Variants in CLCN4 observed in about 807,000 individuals in gnomAD.
The protein encoded by CLCN4 is Cl-/H+ antiporter 4.
CLCN4 carries 1 observed loss-of-function variant against 41.7 expected under a neutral mutation model. The observed-to-expected ratio is 0.02, with a 90% CI of 0.01 to 0.11. The LOEUF (loss-of-function observed/expected upper bound fraction) is 0.11, where lower values mean the gene tolerates loss of function less well. Among genes scored for constraint, CLCN4 ranks in the 10% least tolerant of loss-of-function variants. The pLI is 1.00. For synonymous variants in CLCN4, 277 were observed against 285.8 expected (o/e 0.97, Z 0.31); for missense variants, 287 against 661.0 (o/e 0.43, Z 6.20).
intron 11 of CLCN4, among the ~76,000 whole-genome samples, chrX:10,217,131 C>T (rs1178392266): frequency 3.7e-5 from 4 of 107,790 alleles, no homozygotes; most frequent in South Asian, 8.3e-4. Context: ...GACAGGGTCT[C>T]GCTGTTTCAC....
chrX:10,211,389 C>T (rs1475829105), intron 9 of CLCN4, among the ~76,000 whole-genome samples: 1 of 108,755 alleles, frequency 9.2e-6, no homozygotes. Context: ...CCTTATTAAA[C>T]AGCTGGCTGT....
intron 5 of CLCN4, among the ~76,000 whole-genome samples, chrX:10,197,418 A>G (rs950673184): frequency 9.0e-6 from 1 of 111,467 alleles, no homozygotes; most frequent in Admixed American, 9.5e-5. Context: ...TGCATGTCTC[A>G]TAAGCCACTG....
rs1236519002 is a variant in CLCN4 at position 10,234,388 on chromosome X, A to G, written c.*804A>G. ...CACCCGATCATTGATTTGCATCCCCATGGCATTTGCTTCATTTATTTATTG... is the reference window on the plus strand; with the variant it reads ...CACCCGATCATTGATTTGCATCCCCGTGGCATTTGCTTCATTTATTTATTG... On this transcript the variant is annotated 3_prime_UTR_variant, in exon 13 of 13. Coordinates refer to ENST00000380833, the MANE Select transcript of CLCN4 (RefSeq NM_001830.4). 8.8e-6 allele frequency: 1 copy of G among 113,195 alleles called. No homozygotes were observed. Among genetic ancestry groups the G allele is most frequent in the Non-Finnish European group, 1.9e-5 (1 of 53,397 alleles). 9.3% of individuals were successfully genotyped at this position (113,195 alleles called of 1,213,427 possible).
At chrX:10,161,978 G>A (rs192494059) in intron 2 of CLCN4, among the ~76,000 whole-genome samples, 158 of 108,083 alleles carry the variant, frequency 1.5e-3, no homozygotes, top group Middle Eastern at 4.7e-3. Flanking sequence ...GGGTGTGAGC[G>A]GGCTCGGAGG....
chrX:10,171,732 A>G (rs1197443545), intron 2 of CLCN4, among the ~76,000 whole-genome samples: 1 of 112,049 alleles, frequency 8.9e-6, no homozygotes, highest in Non-Finnish European at 1.9e-5. Flanking sequence ...GAAAAGGCTT[A>G]TGGGGTGAAG....
Position 10,169,810 on chromosome X carries a change from A to G in CLCN4, c.-12+11259A>G, listed in dbSNP as rs187206943. On this transcript the variant is annotated intron_variant, in intron 2 of 12. Transcript: ENST00000380833. ...TCTTTTCTTTTTTTTTTTTTTTGAGATAGAGTCTCGCTCTGTTGTCCAGGC... is the reference window on the plus strand; with the variant it reads ...TCTTTTCTTTTTTTTTTTTTTTGAGGTAGAGTCTCGCTCTGTTGTCCAGGC... Among the ~76,000 whole-genome samples the G allele has an allele frequency of 4.3e-3, 377 of 88,042 alleles. 14 individuals are homozygous for G. In the Admixed American group the frequency reaches 0.045, roughly 10 times the overall value. 76.5% of individuals were successfully genotyped at this position (88,042 alleles called of 115,157 possible). A position where few individuals can be genotyped will look rare whatever the true frequency, so the allele number is the denominator to read the frequency against.
chrX:10,197,307 C>A (rs1488186871), intron 5 of CLCN4, among the ~76,000 whole-genome samples: 1 of 112,073 alleles, frequency 8.9e-6, no homozygotes, highest in African/African-American at 3.2e-5. Flanking sequence ...TGTTAGTGCG[C>A]ATAGAACCTC....
intron 12 of CLCN4, among the ~76,000 whole-genome samples, chrX:10,227,725 T>C (rs1035318822): frequency 7.1e-5 from 8 of 112,193 alleles, no homozygotes; most frequent in African/African-American, 2.6e-4. Flanking sequence ...ACTTGCCTAT[T>C]CTGGACATTT....
intron 11 of CLCN4, among the ~76,000 whole-genome samples, chrX:10,217,132 G>A (rs1267881130): frequency 2.8e-5 from 3 of 107,314 alleles, no homozygotes; most frequent in African/African-American, 1.0e-4. Flanking sequence ...ACAGGGTCTC[G>A]CTGTTTCACC....
In CLCN4 at chrX:10,219,903, C is replaced by T. The variant is rs754095150; in HGVS notation, c.1976-758C>T. 8.9e-5 allele frequency among the ~76,000 whole-genome samples: 10 copies of T among 112,272 alleles called. No individual in the cohort carries two copies. In the South Asian group the frequency reaches 3.3e-3, roughly 37 times the overall value. On this transcript the variant is annotated intron_variant, in intron 11 of 12. Coordinates refer to ENST00000380833, the MANE Select transcript of CLCN4 (RefSeq NM_001830.4). ...TTAAAATAGCCTGGGTTTCTAGCACCGCGTTAAGCTGTATTTCTAATGAGT... is the reference window on the plus strand; with the variant it reads ...TTAAAATAGCCTGGGTTTCTAGCACTGCGTTAAGCTGTATTTCTAATGAGT...
chrX:10,225,522 A>G (rs1924966992), intron 12 of CLCN4, among the ~76,000 whole-genome samples: 1 of 111,454 alleles, frequency 9.0e-6, no homozygotes, highest in African/African-American at 3.3e-5. Flanking sequence ...AGATTGCAAA[A>G]TTTCTCCCAT....
At position 10,235,015 on chromosome X, in the gene CLCN4, G is replaced by A. The variant is rs996590809; in HGVS notation, c.*1431G>A. ...CTGGATAGTGCTGTATCACTTAGGTGTGCATTCGGCTGCAAATAACAGAAA... is the reference window on the plus strand; with the variant it reads ...CTGGATAGTGCTGTATCACTTAGGTATGCATTCGGCTGCAAATAACAGAAA... On this transcript the variant is annotated 3_prime_UTR_variant, in exon 13 of 13. Coordinates refer to ENST00000380833, the MANE Select transcript of CLCN4 (RefSeq NM_001830.4). 1.1e-4 allele frequency: 12 copies of A among 112,062 alleles called. No individual in the cohort carries two copies. The highest frequency in any genetic ancestry group is 3.6e-4 in the African/African-American group (11 of 30,798). The allele number at this position is 112,062 out of a possible 1,213,427, so 9.2% of individuals were successfully genotyped here.
In CLCN4 at chrX:10,217,746, CA is replaced by C. The variant is rs778195498; in HGVS notation, c.1976-2914del. Among the ~76,000 whole-genome samples, 504 of 75,023 alleles carry C rather than the reference CA, an allele frequency of 6.7e-3. 2 individuals are homozygous for C. Among genetic ancestry groups the C allele is most frequent in the African/African-American group, 0.025 (454 of 18,094 alleles). The allele number at this position is 75,023 out of a possible 115,157, so 65.1% of individuals were successfully genotyped here. Reference sequence around the variant, plus strand: ...GGTGCTCATAAAATATACATTCCTTCATTTTTTTTTTTTTTTCACTAAGTCT... The same window carrying C: ...GGTGCTCATAAAATATACATTCCTTCTTTTTTTTTTTTTTTCACTAAGTCT... On this transcript the variant is annotated intron_variant, in intron 11 of 12. Coordinates refer to ENST00000380833, the MANE Select transcript of CLCN4 (RefSeq NM_001830.4).
At chrX:10,233,200 A>T (rs1925166560) in intron 12 of CLCN4, among the ~76,000 whole-genome samples, 1 of 112,210 alleles carries the variant, frequency 8.9e-6, no homozygotes, top group Non-Finnish European at 1.9e-5. Context: ...TAGGTGTTTG[A>T]ATCTGGTGGC....
intron 12 of CLCN4, among the ~76,000 whole-genome samples, chrX:10,225,824 C>A (rs775408864): frequency 4.5e-5 from 5 of 111,716 alleles, no homozygotes; most frequent in Non-Finnish European, 9.4e-5. Context: ...CTAACCAATT[C>A]TCCCAGCATC....
intron 6 of CLCN4, among the ~76,000 whole-genome samples, chrX:10,202,554 A>T (rs922181029): frequency 2.3e-4 from 23 of 99,585 alleles, no homozygotes; most frequent in African/African-American, 8.6e-4. Context: ...TGAGAGGATC[A>T]CTTGAGCCCA....
At chrX:10,192,313 C>T (rs902676991) in intron 4 of CLCN4, among the ~76,000 whole-genome samples, 1 of 110,715 alleles carries the variant, frequency 9.0e-6, no homozygotes, top group Non-Finnish European at 1.9e-5. Flanking sequence ...TATTAGGATG[C>T]GAGAGGTGTG....
At chrX:10,231,209 G>A (rs537265146) in intron 12 of CLCN4, among the ~76,000 whole-genome samples, 98 of 112,069 alleles carry the variant, frequency 8.7e-4, no homozygotes, top group Middle Eastern at 9.2e-3. Flanking sequence ...TATTGCTGAA[G>A]AATATCCATT....
intron 6 of CLCN4, among the ~76,000 whole-genome samples, chrX:10,205,718 C>A (rs1470149869): frequency 9.3e-6 from 1 of 107,253 alleles, no homozygotes; most frequent in Admixed American, 1.0e-4. Flanking sequence ...AGTGATTCTC[C>A]TACCTCAGCC....
Sources: gnomAD v4.1 joint callset for allele counts (sites outside exome capture counted in the v4.1 genomes callset) on GRCh38, gnomAD v4.1.1 for gene constraint, MANE v1.5 for transcripts, NCBI Gene and HGNC (gene_info 2026-07-23, HGNC 2026-07-21) for gene names.